Variants in NKAIN2 observed in about 807,000 individuals in gnomAD.
NKAIN2 encodes the protein sodium/potassium transporting ATPase interacting 2.
In NKAIN2, 14 loss-of-function variants were observed where a neutral mutation model predicts 32.6. That is an observed-to-expected ratio of 0.43 (90% CI 0.28 to 0.67). NKAIN2 has a LOEUF of 0.67. NKAIN2 is among the 30% of genes least tolerant of loss of function. The pLI, the probability that NKAIN2 is intolerant of heterozygous loss-of-function variation, is 0.17. For synonymous variants in NKAIN2, 80 were observed against 87.2 expected (o/e 0.92, Z 0.46); for missense variants, 198 against 258.3 (o/e 0.77, Z 1.60).
intron 1 of NKAIN2, among the ~76,000 whole-genome samples, chr6:124,072,398 A>G (rs766837179): frequency 2.0e-5 from 3 of 152,158 alleles, no homozygotes; most frequent in Non-Finnish European, 4.4e-5. Flanking sequence ...TTGTATCCCA[A>G]ACCTCAGCAT....
intron 1 of NKAIN2, among the ~76,000 whole-genome samples, chr6:124,009,752 A>G (rs752877426): frequency 5.3e-5 from 8 of 152,186 alleles, no homozygotes; most frequent in Non-Finnish European, 1.2e-4. Flanking sequence ...ATGAATCTAG[A>G]CAATGCATGG....
At chr6:124,252,223 A>C (rs1793721060) in intron 1 of NKAIN2, among the ~76,000 whole-genome samples, 1 of 152,108 alleles carries the variant, frequency 6.6e-6, no homozygotes, top group South Asian at 2.1e-4. Flanking sequence ...TGCCATATGC[A>C]TCATTGAAAA....
chr6:124,548,668 A>G (rs1341647898), intron 3 of NKAIN2, among the ~76,000 whole-genome samples: 1 of 152,240 alleles, frequency 6.6e-6, no homozygotes, highest in Non-Finnish European at 1.5e-5. Context: ...GAGATTACAG[A>G]GAAAAGAAGA....
At chr6:124,302,245 G>A (rs1439115187) in intron 2 of NKAIN2, among the ~76,000 whole-genome samples, 1 of 152,194 alleles carries the variant, frequency 6.6e-6, no homozygotes. Flanking sequence ...CCGGCCATGT[G>A]AAACTGTGAG....
At chr6:124,684,558 T>C (rs1773770278) in intron 4 of NKAIN2, among the ~76,000 whole-genome samples, 1 of 152,058 alleles carries the variant, frequency 6.6e-6, no homozygotes, top group African/African-American at 2.4e-5. Flanking sequence ...ATTAGGGGAG[T>C]GAATAGAGAG....
At chr6:123,975,021 C>T (rs560108171) in intron 1 of NKAIN2, among the ~76,000 whole-genome samples, 9 of 152,114 alleles carry the variant, frequency 5.9e-5, no homozygotes, top group South Asian at 2.1e-4. Context: ...CTCATTTTAG[C>T]GTATGTTTGG....
chr6:124,378,019 G>T (rs1800065575), intron 3 of NKAIN2, among the ~76,000 whole-genome samples: 1 of 152,090 alleles, frequency 6.6e-6, no homozygotes, highest in Admixed American at 6.6e-5. Context: ...TGGCTGTGTG[G>T]ATACCACCTG....
chr6:123,894,205 C>T lies in NKAIN2; in HGVS notation c.54+89951C>T, dbSNP rs139858887. ...GCTGGGATATCTCTTGAGCCCTGAG[C>T]TGTCCTGTTCATGGCTGGTGACTGC... On this transcript the variant is annotated intron_variant, in intron 1 of 6. Coordinates refer to ENST00000368417, the MANE Select transcript of NKAIN2 (RefSeq NM_001040214.3). Among the ~76,000 whole-genome samples, 710 of 152,214 alleles carry T rather than the reference C, an allele frequency of 4.7e-3. 3 individuals are homozygous for T. Among genetic ancestry groups the T allele is most frequent in the Non-Finnish European group, 7.5e-3 (513 of 68,018 alleles).
chr6:124,728,014 T>A (rs1412256042), intron 4 of NKAIN2, among the ~76,000 whole-genome samples: 1 of 151,636 alleles, frequency 6.6e-6, no homozygotes, highest in Non-Finnish European at 1.5e-5. Context: ...CTAACTATCC[T>A]AAATATATAT....
chr6:124,370,670 C>T (rs1446271074), intron 3 of NKAIN2, among the ~76,000 whole-genome samples: 2 of 151,998 alleles, frequency 1.3e-5, no homozygotes, highest in Admixed American at 6.6e-5. Flanking sequence ...TTCTTTTCCA[C>T]TCTGACAGAA....
chr6:124,278,655 A>G lies in NKAIN2; in HGVS notation c.55-4350A>G, dbSNP rs1324056560. Among the ~76,000 whole-genome samples, 627 of 70,284 alleles carry G rather than the reference A, an allele frequency of 8.9e-3. 3 individuals carry two copies. The highest frequency in any genetic ancestry group is 0.055 in the African/African-American group (587 of 10,642). The allele number at this position is 70,284 out of a possible 152,430, so 46.1% of individuals were successfully genotyped here. On this transcript the variant is annotated intron_variant, in intron 1 of 6. Transcript: ENST00000368417. The stretch of plus-strand genomic sequence containing the variant: ...AAACACACATATACATAGCTCATAT[A>G]TATATATATATATATATATATATAT...
At chr6:124,076,469 A>G (rs1267958168) in intron 1 of NKAIN2, among the ~76,000 whole-genome samples, 2 of 152,192 alleles carry the variant, frequency 1.3e-5, no homozygotes. Flanking sequence ...CTATTTTGCT[A>G]GGCTGTTTAT....
intron 1 of NKAIN2, among the ~76,000 whole-genome samples, chr6:124,059,513 G>T (rs540634458): frequency 6.6e-6 from 1 of 151,956 alleles, no homozygotes; most frequent in Non-Finnish European, 1.5e-5. Context: ...TAGAACTGTC[G>T]CTCTCAGAAG....
rs755627948 is a variant in NKAIN2, at chr6:123,827,954, T to C, written c.54+23700T>C. Among the ~76,000 whole-genome samples, 151 of 152,246 alleles carry C rather than the reference T, an allele frequency of 9.9e-4. 1 individual carries two copies. The highest frequency in any genetic ancestry group is 6.8e-4 in the Non-Finnish European group (46 of 68,008). ...TTCCTTTGTCTGACTTAAAAGACTT[T>C]TGTAGAATCAGCATACCTATTCAAT... is the stretch of plus-strand genomic sequence containing the variant. On this transcript the variant is annotated intron_variant, in intron 1 of 6. Transcript: ENST00000368417.
chr6:124,577,749 C>A (rs1028574504), intron 3 of NKAIN2, among the ~76,000 whole-genome samples: 2 of 152,106 alleles, frequency 1.3e-5, no homozygotes, highest in Non-Finnish European at 2.9e-5. Flanking sequence ...GTACTTGCAC[C>A]ACCCCTCCCA....
chr6:124,726,023 C>A (rs948611891), intron 4 of NKAIN2, among the ~76,000 whole-genome samples: 1 of 152,162 alleles, frequency 6.6e-6, no homozygotes, highest in Non-Finnish European at 1.5e-5. Flanking sequence ...GGCACACCAC[C>A]AGATTATATC....
chr6:124,129,976 G>A (rs1786380202), intron 1 of NKAIN2, among the ~76,000 whole-genome samples: 1 of 152,150 alleles, frequency 6.6e-6, no homozygotes, highest in South Asian at 2.1e-4. Flanking sequence ...CAATATGGTA[G>A]TGATGATAGT....
At position 124,508,536 on chromosome 6, in the gene NKAIN2, G is replaced by C. The variant is rs1000619483; in HGVS notation, c.274-149650G>C. On this transcript the variant is annotated intron_variant, in intron 3 of 6. Transcript: ENST00000368417. ...TTTTTTGTATTTTTAGTAGAGATGG[G>C]GTTTCACCGTGTTAGCCAGAATGGT... Among the ~76,000 whole-genome samples, 43 of 151,688 alleles carry C rather than the reference G, an allele frequency of 2.8e-4. 1 individual carries two copies. Among genetic ancestry groups the C allele is most frequent in the Admixed American group, 2.4e-3 (36 of 15,238 alleles).
intron 1 of NKAIN2, among the ~76,000 whole-genome samples, chr6:124,170,290 A>G (rs1482301395): frequency 6.6e-6 from 1 of 152,046 alleles, no homozygotes; most frequent in Non-Finnish European, 1.5e-5. Context: ...TTATTTTTCT[A>G]CTACACTGGG....
Sources: gnomAD v4.1 joint callset for allele counts (sites outside exome capture counted in the v4.1 genomes callset) on GRCh38, gnomAD v4.1.1 for gene constraint, MANE v1.5 for transcripts, NCBI Gene and HGNC (gene_info 2026-07-23, HGNC 2026-07-21) for gene names.